EDA: variants seen among roughly 807,000 people sequenced by gnomAD.
The protein encoded by EDA is ectodysplasin-A.
EDA carries 2 observed loss-of-function variants against 23.6 expected under a neutral mutation model. The ratio of observed to expected loss-of-function variants is 0.08; its 90% CI spans 0.03 to 0.27. EDA has a LOEUF of 0.27. EDA is among the 10% of genes least tolerant of loss of function. The pLI is 1.00. For synonymous variants in EDA, 131 were observed against 132.0 expected (o/e 0.99, Z 0.05); for missense variants, 229 against 324.2 (o/e 0.71, Z 2.26).
At chrX:69,758,837 A>G (rs1269349704) in intron 1 of EDA, among the ~76,000 whole-genome samples, 1 of 112,413 alleles carries the variant, frequency 8.9e-6, no homozygotes, top group Non-Finnish European at 1.9e-5. Context: ...ACTCTGTCTC[A>G]GAAAATAAAA....
At chrX:69,908,885 A>G (rs774098975) in intron 1 of EDA, among the ~76,000 whole-genome samples, 3 of 109,483 alleles carry the variant, frequency 2.7e-5, no homozygotes, top group Non-Finnish European at 5.7e-5. Context: ...CTCCTTCCCT[A>G]TCAATAGAGG....
intron 1 of EDA, among the ~76,000 whole-genome samples, chrX:69,712,566 C>T (rs1333048737): frequency 6.3e-5 from 7 of 111,168 alleles, no homozygotes; most frequent in Admixed American, 1.9e-4. Context: ...AAACAACAGG[C>T]GCTGGAGAGG....
rs1401199128 is a variant in EDA, at chrX:69,891,113, G to A, written c.397-65914G>A. On this transcript the variant is annotated intron_variant, in intron 1 of 7. Transcript: ENST00000374552. The stretch of plus-strand genomic sequence containing the variant: ...ACTTCTCAAAAGAAGACATATATGT[G>A]GCCAAAAACATATGAACAAAAGCTC... Among the ~76,000 whole-genome samples the A allele has an allele frequency of 3.6e-5, 4 of 111,397 alleles. No homozygotes were observed. The Admixed American group carries it at 3.8e-4, about 11-fold the overall frequency.
At chrX:69,745,998 G>C (rs966258975) in intron 1 of EDA, among the ~76,000 whole-genome samples, 6 of 110,836 alleles carry the variant, frequency 5.4e-5, no homozygotes, top group African/African-American at 2.0e-4. Flanking sequence ...AGAAGAAAAG[G>C]AAAAAGAAAA....
chrX:69,939,732 T>C (rs878887773), intron 1 of EDA, among the ~76,000 whole-genome samples: 2 of 111,695 alleles, frequency 1.8e-5, no homozygotes, highest in African/African-American at 6.5e-5. Context: ...CTGTTATATA[T>C]GGCTTTTATT....
intron 1 of EDA, among the ~76,000 whole-genome samples, chrX:69,729,869 T>G (rs950918400): frequency 9.0e-6 from 1 of 111,366 alleles, no homozygotes; most frequent in African/African-American, 3.3e-5. Context: ...CTTTTGGGTC[T>G]CTCTTCAAAT....
chrX:69,751,983 C>T (rs924726433), intron 1 of EDA, among the ~76,000 whole-genome samples: 10 of 110,691 alleles, frequency 9.0e-5, no homozygotes, highest in African/African-American at 3.0e-4. Context: ...TGGGCTGCGA[C>T]GATGGGGTTT....
At chrX:69,765,900 C>G (rs1179922606) in intron 1 of EDA, among the ~76,000 whole-genome samples, 1 of 111,676 alleles carries the variant, frequency 9.0e-6, no homozygotes, top group Non-Finnish European at 1.9e-5. Context: ...TATCTGTAGC[C>G]CCTGGCAACC....
At chrX:69,834,406 T>C (rs2016710843) in intron 1 of EDA, among the ~76,000 whole-genome samples, 1 of 111,709 alleles carries the variant, frequency 9.0e-6, no homozygotes. Context: ...GGTGCATATA[T>C]ATTTAGGATA....
chrX:70,012,229 G>T (rs1377785286), intron 2 of EDA, among the ~76,000 whole-genome samples: 2 of 112,375 alleles, frequency 1.8e-5, no homozygotes, highest in Non-Finnish European at 3.8e-5. Context: ...ACTAGAAATA[G>T]ATATGTAATA....
At chrX:69,807,598 T>C (rs1229673800) in intron 1 of EDA, among the ~76,000 whole-genome samples, 1 of 108,408 alleles carries the variant, frequency 9.2e-6, no homozygotes, top group African/African-American at 3.4e-5. Context: ...TGGGGAGTTA[T>C]TTCCTAGACC....
intron 1 of EDA, among the ~76,000 whole-genome samples, chrX:69,778,397 A>G (rs1323754086): frequency 9.0e-6 from 1 of 111,506 alleles, no homozygotes; most frequent in African/African-American, 3.3e-5. Context: ...CTGAACAGTA[A>G]TAAATAGTGA....
At chrX:69,927,163 G>T (rs1044816770) in intron 1 of EDA, among the ~76,000 whole-genome samples, 1 of 111,305 alleles carries the variant, frequency 9.0e-6, no homozygotes, top group African/African-American at 3.3e-5. Context: ...TTTAAGGTTA[G>T]TATTGTTATG....
chrX:69,933,795 G>T (rs2018634319), intron 1 of EDA, among the ~76,000 whole-genome samples: 1 of 111,831 alleles, frequency 8.9e-6, no homozygotes, highest in Non-Finnish European at 1.9e-5. Flanking sequence ...CTACTGTATG[G>T]CTGGGACTTA....
At chrX:69,727,448 T>C (rs1386274284) in intron 1 of EDA, among the ~76,000 whole-genome samples, 1 of 112,323 alleles carries the variant, frequency 8.9e-6, no homozygotes, top group Non-Finnish European at 1.9e-5. Flanking sequence ...GCATAATTTC[T>C]TTGATTTATG....
At chrX:69,881,910 G>A (rs988485153) in intron 1 of EDA, among the ~76,000 whole-genome samples, 2 of 110,202 alleles carry the variant, frequency 1.8e-5, no homozygotes, top group African/African-American at 6.6e-5. Context: ...GTAACTAATA[G>A]AGCAAGAACT....
At chrX:69,657,201 T>G in intron 1 of EDA, among the ~76,000 whole-genome samples, 1 of 112,124 alleles carries the variant, frequency 8.9e-6, no homozygotes, top group Non-Finnish European at 1.9e-5. Context: ...CCGATTGGTG[T>G]GAGATGATAC....
At position 69,690,810 on chromosome X, in the gene EDA, T is replaced by C. The variant is rs770146258; in HGVS notation, c.396+74106T>C. On this transcript the variant is annotated intron_variant, in intron 1 of 7. Transcript: ENST00000374552. ...TTTTTATTACAAATTCAATCACTTG[T>C]TTTAGGTCTATACATCTTTTATATT... is the stretch of plus-strand genomic sequence containing the variant. Among the ~76,000 whole-genome samples the C allele has an allele frequency of 1.6e-4, 18 of 112,017 alleles. 2 individuals carry two copies. The Admixed American group carries it at 1.7e-3, about 11-fold the overall frequency.
chrX:69,823,749 G>A (rs1856067380), intron 1 of EDA, among the ~76,000 whole-genome samples: 1 of 91,667 alleles, frequency 1.1e-5, no homozygotes, highest in African/African-American at 4.3e-5. Context: ...TGCTTTTGGA[G>A]TTTTAGACAT....
Sources: gnomAD v4.1 joint callset for allele counts (sites outside exome capture counted in the v4.1 genomes callset) on GRCh38, gnomAD v4.1.1 for gene constraint, MANE v1.5 for transcripts, NCBI Gene and HGNC (gene_info 2026-07-23, HGNC 2026-07-21) for gene names.